Variants in NKIRAS1 observed in about 807,000 individuals in gnomAD.
NKIRAS1 encodes the protein NFKB inhibitor interacting Ras like 1, also known as NF-kappa-B inhibitor-interacting Ras-like protein 1.
In NKIRAS1, 16 loss-of-function variants were observed where a neutral mutation model predicts 19.8. That is an observed-to-expected ratio of 0.81 (90% CI 0.55 to 1.23). The LOEUF is 1.23. Among genes scored for constraint, NKIRAS1 ranks in the 50% most tolerant of loss-of-function variants. The probability of loss-of-function intolerance (pLI) is 0.00; values close to 1 mark genes in which losing one functional copy is unlikely to be tolerated. For missense variants in NKIRAS1, 184 were observed against 220.0 expected, an observed-to-expected ratio of 0.84 and a Z score of 1.04; for synonymous variants, 88 against 79.0, an observed-to-expected ratio of 1.11 and a Z score of -0.61.
chr3:23,917,137 T>C (rs1485227699), upstream of NKIRAS1: 3 of 152,990 alleles, frequency 2.0e-5, no homozygotes, highest in South Asian at 6.2e-4. Flanking sequence ...ATTGTGGGAG[T>C]ACAGCTCTTT....
Position 23,890,755 on chromosome 3 carries a change from T to A in NKIRAS1, c.*2340A>T. ...AGTCTTATTTCCTAAGATTTTGTTG[T>A]AACTTAAGGTATCTTGCTACAGTAG... On this transcript the variant is annotated 3_prime_UTR_variant, in exon 5 of 5. Coordinates refer to ENST00000425478, the MANE Select transcript of NKIRAS1 (RefSeq NM_020345.4). 1 of 649,456 alleles carries A rather than the reference T, an allele frequency of 1.5e-6. No homozygotes were observed. The highest frequency in any genetic ancestry group is 2.4e-6 in the Non-Finnish European group (1 of 422,254). The allele number at this position is 649,456 out of a possible 1,614,324, so 40.2% of individuals were successfully genotyped here. A position where few individuals can be genotyped will look rare whatever the true frequency, so the allele number is the denominator to read the frequency against.
Position 23,892,654 on chromosome 3 carries a change from T to C in NKIRAS1, c.*441A>G, listed in dbSNP as rs1701554998. On this transcript the variant is annotated 3_prime_UTR_variant, in exon 5 of 5. Transcript: ENST00000425478. ...CCAATTTAGACACAAAAAAATGTTT[T>C]ATAATCCTAGACATTAGATTAATGA... 6.6e-6 allele frequency: 1 copy of C among 152,522 alleles called. No individual in the cohort carries two copies. 9.4% of individuals were successfully genotyped at this position (152,522 alleles called of 1,614,324 possible). A position where few individuals can be genotyped will look rare whatever the true frequency, so the allele number is the denominator to read the frequency against.
intron 3 of NKIRAS1, among the ~76,000 whole-genome samples, chr3:23,907,786 T>C (rs1703220498): frequency 6.6e-6 from 1 of 152,322 alleles, no homozygotes; most frequent in Admixed American, 6.5e-5. Context: ...TGAGTATATA[T>C]CTTTTCAATA....
intron 1 of NKIRAS1, among the ~76,000 whole-genome samples, chr3:23,944,925 A>G (rs983432965): frequency 2.6e-5 from 4 of 152,006 alleles, no homozygotes; most frequent in Non-Finnish European, 5.9e-5. Context: ...CTCGGCGCCA[A>G]GCCACCGCTT....
At chr3:23,919,979 G>T (rs1183447320), upstream of NKIRAS1, 8 of 987,568 alleles carry the variant, frequency 8.1e-6, no homozygotes, top group Non-Finnish European at 9.6e-6. Context: ...AGCCTCCACA[G>T]TACCATTTTA....
upstream of NKIRAS1, chr3:23,920,476 G>A (rs1292402371): frequency 2.0e-6 from 2 of 985,174 alleles, no homozygotes; most frequent in African/African-American, 3.5e-5. Context: ...ACCATCACTT[G>A]TGCACCCACT....
upstream of NKIRAS1, chr3:23,917,526 A>G (rs1704692305): frequency 4.3e-6 from 1 of 232,132 alleles, no homozygotes; most frequent in Admixed American, 5.7e-5. Flanking sequence ...TTGTCCTGTG[A>G]TGTCAGCGGC....
At chr3:23,918,167 T>G, upstream of NKIRAS1, 1 of 1,130,900 alleles carries the variant, frequency 8.8e-7, no homozygotes, top group Non-Finnish European at 1.2e-6. Flanking sequence ...GCAACACTGG[T>G]CAGTTACTGT....
At chr3:23,945,828 C>G (rs1344888957) in intron 1 of NKIRAS1, among the ~76,000 whole-genome samples, 2 of 150,718 alleles carry the variant, frequency 1.3e-5, no homozygotes, top group African/African-American at 2.4e-5. Context: ...CGGCCCGGCC[C>G]CCCCCTCACA....
chr3:23,893,436 C>T (rs975588268), intron 4 of NKIRAS1, 99 bp from the exon 5 acceptor site: 1 of 990,786 alleles, frequency 1.0e-6, no homozygotes, highest in African/African-American at 1.6e-5. Context: ...CTTAACAAAC[C>T]TGCTTCATTA....
At chr3:23,902,486 G>C (rs1301836244) in intron 3 of NKIRAS1, among the ~76,000 whole-genome samples, 1 of 152,114 alleles carries the variant, frequency 6.6e-6, no homozygotes, top group Non-Finnish European at 1.5e-5. Context: ...GGAAATTAAA[G>C]GTTATCTATT....
In NKIRAS1 at chr3:23,922,000, C is replaced by T. The variant is rs75753684; in HGVS notation, c.-139-10550G>A. On this transcript the variant is annotated intron_variant, in intron 1 of 4. Coordinates refer to the NKIRAS1 transcript ENST00000421515. ...GAATTATAGGAATGAGCCACCACAC[C>T]GGGCCCAAATTTACTTTAGTAATAA... 3.5e-3 allele frequency: 614 copies of T among 177,946 alleles called. 18 individuals carry two copies. In the East Asian group the frequency reaches 0.042, roughly 12 times the overall value. 11.0% of individuals were successfully genotyped at this position (177,946 alleles called of 1,614,324 possible). A position where few individuals can be genotyped will look rare whatever the true frequency, so the allele number is the denominator to read the frequency against.
chr3:23,920,731 T>C, upstream of NKIRAS1: 3 of 982,754 alleles, frequency 3.1e-6, no homozygotes, highest in South Asian at 4.7e-5. Context: ...AGCAAGTTCA[T>C]AAAAGTTCTT....
chr3:23,919,497 G>C, upstream of NKIRAS1: 1 of 1,561,740 alleles, frequency 6.4e-7, no homozygotes, highest in Non-Finnish European at 8.6e-7. Context: ...CACCGTTACC[G>C]CTAATATAAG....
chr3:23,922,402 TTTTGG>T lies in NKIRAS1; in HGVS notation c.-139-10957_-139-10953del. Reference sequence around the variant, plus strand: ...ATACACTTAAAGTTTATTTGTTTTGTTTTGGTTTTTTTTGAGATGGAGTCTCACTG... The same window carrying T: ...ATACACTTAAAGTTTATTTGTTTTGTTTTTTTTTGAGATGGAGTCTCACTG... On this transcript the variant is annotated intron_variant, in intron 1 of 4. Coordinates refer to the NKIRAS1 transcript ENST00000421515. The surrounding 1 kb of genome is among the most constrained non-coding windows in gnomAD (Gnocchi z 4.2). 1 of 152,352 alleles carries T rather than the reference TTTTGG, an allele frequency of 6.6e-6. No individual in the cohort carries two copies. Among genetic ancestry groups the T allele is most frequent in the South Asian group, 2.1e-4 (1 of 4,828 alleles). The allele number at this position is 152,352 out of a possible 1,614,324, so 9.4% of individuals were successfully genotyped here. A position where few individuals can be genotyped will look rare whatever the true frequency, so the allele number is the denominator to read the frequency against.
Position 23,900,835 on chromosome 3 carries a change from T to G in NKIRAS1, c.309A>C (p.Glu103Asp). Residue 103 changes from glutamate to aspartate, a missense_variant, in exon 4 of 5, where the codon GAA becomes GAC. Physicochemically the swap from Glu to Asp is conservative, Grantham distance 45. Coordinates refer to ENST00000425478, the MANE Select transcript of NKIRAS1 (RefSeq NM_020345.4). ...SFQRVELLKK[E>D]IDKFKDKKEV... Reference sequence around the variant, plus strand: ...CTTTTTTGTCTTTGAACTTATCGATTTCTTTCTTCAGAAGCTCCACTCTTT... The same window carrying G: ...CTTTTTTGTCTTTGAACTTATCGATGTCTTTCTTCAGAAGCTCCACTCTTT... 1 of 1,613,678 alleles carries G rather than the reference T, an allele frequency of 6.2e-7. No individual in the cohort carries two copies. Among genetic ancestry groups the G allele is most frequent in the Non-Finnish European group, 8.5e-7 (1 of 1,179,590 alleles).
Position 23,907,586 on chromosome 3 carries a change from C to T in NKIRAS1, c.94+3225G>A, listed in dbSNP as rs72627078. On this transcript the variant is annotated intron_variant, in intron 3 of 4. Transcript: ENST00000425478. Reference sequence around the variant, plus strand: ...TGTGTTGATATTTGTACTGATGTTGCAAAAGCAGTGGTGGGTAAAACTGCC... The same window carrying T: ...TGTGTTGATATTTGTACTGATGTTGTAAAAGCAGTGGTGGGTAAAACTGCC... Among the ~76,000 whole-genome samples the T allele has an allele frequency of 5.9e-3, 901 of 152,288 alleles. 16 individuals carry two copies. Among genetic ancestry groups the T allele is most frequent in the East Asian group, 0.049 (254 of 5,180 alleles).
intron 3 of NKIRAS1, among the ~76,000 whole-genome samples, chr3:23,901,915 A>T (rs11129127): frequency 0.34 from 51,853 of 151,896 alleles, 9,761 homozygotes; most frequent in Middle Eastern, 0.53. Flanking sequence ...TCAACTAAAA[A>T]TACAAAAATT....
At chr3:23,917,799 T>G, upstream of NKIRAS1, 1 of 1,520,160 alleles carries the variant, frequency 6.6e-7, no homozygotes, top group Non-Finnish European at 8.9e-7. Context: ...GATACAGTCG[T>G]CTTATTGTAC....
Sources: gnomAD v4.1 joint callset for allele counts (sites outside exome capture counted in the v4.1 genomes callset) on GRCh38, gnomAD v4.1.1 for gene constraint, Gnocchi (gnomAD v3.1) non-coding constraint, MANE v1.5 for transcripts, NCBI Gene and HGNC (gene_info 2026-07-23, HGNC 2026-07-21) for gene names.